NUDT3: variants seen among roughly 807,000 people sequenced by gnomAD.
The protein encoded by NUDT3 is nudix hydrolase 3, also known as diphosphoinositol polyphosphate phosphohydrolase 1.
In NUDT3, 9 loss-of-function variants were observed where a neutral mutation model predicts 23.6. That is an observed-to-expected ratio of 0.38 (90% CI 0.23 to 0.66). The LOEUF is 0.66. Ranked by LOEUF, NUDT3 falls within the 30% of genes least tolerant of loss-of-function variation. The pLI, the probability that NUDT3 is intolerant of heterozygous loss-of-function variation, is 0.52. For missense variants in NUDT3, 172 were observed against 218.5 expected (o/e 0.79, Z 1.34); for synonymous variants, 86 against 82.6 (o/e 1.04, Z -0.22).
chr6:34,351,409 C>T (rs1267063742), intron 1 of NUDT3, among the ~76,000 whole-genome samples: 2 of 142,998 alleles, frequency 1.4e-5, no homozygotes, highest in Non-Finnish European at 3.0e-5. Flanking sequence ...CACTGCACTC[C>T]ATCCTAGGCA....
Position 34,282,219 on chromosome 6 carries a change from T to C in NUDT3, c.*6534A>G, listed in dbSNP as rs1188618523. ...GGTTTAACCTGAGAAACTTTTTTTT[T>C]GGCAAGATAATAAAGAGGTTAAAGA... On this transcript the variant is annotated 3_prime_UTR_variant, in exon 5 of 5. Coordinates refer to ENST00000607016, the MANE Select transcript of NUDT3 (RefSeq NM_006703.4). 6.6e-6 allele frequency: 1 copy of C among 152,186 alleles called. No homozygotes were observed. Among genetic ancestry groups the C allele is most frequent in the East Asian group, 1.9e-4 (1 of 5,206 alleles). 9.4% of individuals were successfully genotyped at this position (152,186 alleles called of 1,614,324 possible). A position where few individuals can be genotyped will look rare whatever the true frequency, so the allele number is the denominator to read the frequency against.
chr6:34,379,051 A>C (rs1179582458), intron 1 of NUDT3, among the ~76,000 whole-genome samples: 1 of 151,652 alleles, frequency 6.6e-6, no homozygotes, highest in African/African-American at 2.4e-5. Context: ...AGAAGAATTC[A>C]CCTCCCCTCT....
chr6:34,383,826 T>G (rs1224105071), intron 1 of NUDT3, among the ~76,000 whole-genome samples: 1 of 151,862 alleles, frequency 6.6e-6, no homozygotes, highest in East Asian at 1.9e-4. Context: ...AATAACGTAA[T>G]GGAAGACATG....
Position 34,309,400 on chromosome 6 carries a change from G to C in NUDT3, c.211-13715C>G, listed in dbSNP as rs186042140. On this transcript the variant is annotated intron_variant, in intron 2 of 4. Transcript: ENST00000607016. ...TGGGATGCAGTGAGAGTGGTGCTTA[G>C]AGGAAAACTTTAGGCTAAATGCATA... Among the ~76,000 whole-genome samples the C allele has an allele frequency of 9.4e-4, 141 of 150,256 alleles. No homozygotes were observed. The East Asian group carries it at 0.011, about 12-fold the overall frequency.
chr6:34,336,098 G>A (rs529542401), intron 2 of NUDT3, among the ~76,000 whole-genome samples: 1 of 151,882 alleles, frequency 6.6e-6, no homozygotes, highest in Admixed American at 6.6e-5. Flanking sequence ...ATGAAACCCC[G>A]TCTCTACTAA....
rs1242485467 is a variant in NUDT3, at chr6:34,304,057, A to T, written c.211-8372T>A. Among the ~76,000 whole-genome samples the T allele has an allele frequency of 2.0e-5, 3 of 152,138 alleles. No homozygotes were observed. In the East Asian group the frequency reaches 5.8e-4, roughly 29 times the overall value. The stretch of plus-strand genomic sequence containing the variant: ...TACCAGAGGTCAGGAGTTCGAGAGT[A>T]GCCTGGCCAACATGGTGAAACCCCC... On this transcript the variant is annotated intron_variant, in intron 2 of 4. Transcript: ENST00000607016.
At chr6:34,336,455 T>C (rs912442784) in intron 2 of NUDT3, among the ~76,000 whole-genome samples, 43 of 152,202 alleles carry the variant, frequency 2.8e-4, no homozygotes, top group African/African-American at 8.7e-4. Flanking sequence ...TCTTTGTATA[T>C]ACTGAATAGT....
chr6:34,347,607 G>A (rs1581880640), intron 1 of NUDT3, among the ~76,000 whole-genome samples: 1 of 152,180 alleles, frequency 6.6e-6, no homozygotes, highest in South Asian at 2.1e-4. Flanking sequence ...CTGTGGGAAT[G>A]ATAAACCTAA....
At chr6:34,326,335 C>T (rs114827177) in intron 2 of NUDT3, among the ~76,000 whole-genome samples, 3,208 of 152,194 alleles carry the variant, frequency 0.021, 46 homozygotes, top group Non-Finnish European at 0.032. Flanking sequence ...CCTTTATTTG[C>T]TTTCGGAGAC....
intron 2 of NUDT3, among the ~76,000 whole-genome samples, chr6:34,328,757 C>T (rs1456898675): frequency 2.0e-5 from 3 of 152,184 alleles, no homozygotes; most frequent in African/African-American, 7.2e-5. Context: ...CATATTAATT[C>T]CTCATAATTC....
intron 1 of NUDT3, among the ~76,000 whole-genome samples, chr6:34,353,728 G>A (rs1314341958): frequency 2.0e-5 from 3 of 151,804 alleles, no homozygotes; most frequent in Non-Finnish European, 4.4e-5. Flanking sequence ...TTTAAGACAG[G>A]ATCTCGTTCT....
chr6:34,354,858 T>C (rs1211671120), intron 1 of NUDT3, among the ~76,000 whole-genome samples: 1 of 150,296 alleles, frequency 6.7e-6, no homozygotes, highest in Non-Finnish European at 1.5e-5. Flanking sequence ...TTATTTTATA[T>C]TTGTATACTT....
rs556820041 is a variant in NUDT3 at position 34,284,668 on chromosome 6, C to A, written c.*4085G>T. On this transcript the variant is annotated 3_prime_UTR_variant, in exon 5 of 5. Coordinates refer to ENST00000607016, the MANE Select transcript of NUDT3 (RefSeq NM_006703.4). ...CAGGTCTAACAAATACCTATTATTTCTCTGGTTAAGAAGGTTTAGCAGGAG... is the reference window on the plus strand; with the variant it reads ...CAGGTCTAACAAATACCTATTATTTATCTGGTTAAGAAGGTTTAGCAGGAG... 3.0e-4 allele frequency: 45 copies of A among 151,620 alleles called. No individual in the cohort carries two copies. Among genetic ancestry groups the A allele is most frequent in the African/African-American group, 1.0e-3 (43 of 41,332 alleles). The allele number at this position is 151,620 out of a possible 1,614,324, so 9.4% of individuals were successfully genotyped here.
intron 3 of NUDT3, among the ~76,000 whole-genome samples, chr6:34,293,876 CCA>C (rs1581847409): frequency 6.6e-6 from 1 of 152,134 alleles, no homozygotes; most frequent in African/African-American, 2.4e-5. Context: ...GGGTGGGCTA[CCA>C]CAGAGGTCTC....
intron 2 of NUDT3, among the ~76,000 whole-genome samples, chr6:34,337,002 T>C (rs549179455): frequency 6.6e-6 from 1 of 152,346 alleles, no homozygotes; most frequent in Non-Finnish European, 1.5e-5. Flanking sequence ...CTATCAACAT[T>C]TCAAGTCTCC....
Position 34,341,915 on chromosome 6 carries a change from T to C in NUDT3, c.157A>G (p.Met53Val). Residue 53 changes from methionine to valine, a missense_variant, in exon 2 of 5, where the codon ATG becomes GTG. Met to Val is a conservative substitution (Grantham distance 21). Around this residue, in one of 3 missense-constraint regions of NUDT3, gnomAD observed 59 missense variants for 107.4 expected, o/e 0.55. Coordinates refer to ENST00000607016, the MANE Select transcript of NUDT3 (RefSeq NM_006703.4). ...ACACTTGGCTCCTCCTCGGGCTCCA[T>C]GCCTCCTCCAGGGACAATCCATCTG... ...PDRWIVPGGG[M>V]EPEEEPSVAA... 6.2e-7 allele frequency: 1 copy of C among 1,614,100 alleles called. No individual in the cohort carries two copies. Among genetic ancestry groups the C allele is most frequent in the Non-Finnish European group, 8.5e-7 (1 of 1,179,972 alleles).
intron 1 of NUDT3, among the ~76,000 whole-genome samples, chr6:34,365,681 G>A (rs1260514932): frequency 1.3e-5 from 2 of 152,206 alleles, no homozygotes; most frequent in Non-Finnish European, 2.9e-5. Flanking sequence ...AAGAGGCTGA[G>A]GCAAGAGGAT....
At chr6:34,344,903 G>A (rs1764340997) in intron 1 of NUDT3, among the ~76,000 whole-genome samples, 1 of 151,642 alleles carries the variant, frequency 6.6e-6, no homozygotes, top group Non-Finnish European at 1.5e-5. Context: ...CACCCACCTC[G>A]GCCTGCCAAA....
At chr6:34,326,170 C>T (rs187056620) in intron 2 of NUDT3, among the ~76,000 whole-genome samples, 150 of 151,142 alleles carry the variant, frequency 9.9e-4, no homozygotes, top group African/African-American at 3.2e-3. Flanking sequence ...TTTAAACAAA[C>T]GGGAGCAACT....
Sources: allele counts gnomAD v4.1 joint callset (sites outside exome capture counted in the v4.1 genomes callset), GRCh38; gene constraint gnomAD v4.1.1; regional missense constraint gnomAD v4.1.1; transcripts MANE v1.5; gene names NCBI Gene and HGNC (gene_info 2026-07-23, HGNC 2026-07-21).